Variants in LRRK2 observed in about 807,000 individuals in gnomAD.
The protein encoded by LRRK2 is leucine-rich repeat serine/threonine-protein kinase 2.
Under a neutral mutation model 302.6 loss-of-function variants are expected in LRRK2, and 203 were observed. The ratio of observed to expected loss-of-function variants is 0.67; its 90% CI spans 0.60 to 0.75. The LOEUF is 0.75. Ranked by LOEUF, LRRK2 falls within the 30% of genes least tolerant of loss-of-function variation. The pLI is 0.00. For missense variants in LRRK2, 2,830 were observed against 2,951.0 expected (o/e 0.96, Z 0.95); for synonymous variants, 1,066 against 1,031.9 (o/e 1.03, Z -0.63).
chr12:40,310,127 G>A (rs771303868), intron 30 of LRRK2, among the ~76,000 whole-genome samples: 35 of 152,170 alleles, frequency 2.3e-4, no homozygotes, highest in Non-Finnish European at 4.6e-4. Context: ...TTATTTAGGA[G>A]TGAATAACTC....
intron 42 of LRRK2, among the ~76,000 whole-genome samples, chr12:40,347,600 T>C (rs895009190): frequency 2.0e-5 from 3 of 152,224 alleles, no homozygotes; most frequent in Admixed American, 1.3e-4. Flanking sequence ...AGAAAACTTA[T>C]TATTAATTGG....
In LRRK2 at chr12:40,298,798, T is replaced by TATATATATATATATATATATAA. The variant is rs57355300; in HGVS notation, c.3347+306_3347+307insTATATATATATATATATATAAA. Among the ~76,000 whole-genome samples, 14 of 94,244 alleles carry TATATATATATATATATATATAA rather than the reference T, an allele frequency of 1.5e-4. 2 individuals carry two copies. Among genetic ancestry groups the TATATATATATATATATATATAA allele is most frequent in the African/African-American group, 5.9e-4 (14 of 23,818 alleles). 61.8% of individuals were successfully genotyped at this position (94,244 alleles called of 152,430 possible). ...AAAGAAATATATATATATATATATA[T>TATATATATATATATATATATAA]AATATATGTATTATAATATATAATA... is the stretch of plus-strand genomic sequence containing the variant. On this transcript the variant is annotated intron_variant, in intron 24 of 50. Transcript: ENST00000298910.
intron 7 of LRRK2, among the ~76,000 whole-genome samples, chr12:40,248,221 CAT>C (rs1405177982): frequency 6.6e-6 from 1 of 152,130 alleles, no homozygotes; most frequent in Non-Finnish European, 1.5e-5. Context: ...ACAACTTGCA[CAT>C]GTTACATTAA....
intron 18 of LRRK2, among the ~76,000 whole-genome samples, chr12:40,280,980 A>G (rs1202512061): frequency 6.6e-6 from 1 of 150,484 alleles, no homozygotes; most frequent in Non-Finnish European, 1.5e-5. Flanking sequence ...AGGCAGGAGA[A>G]TGGCGTGAAC....
intron 44 of LRRK2, among the ~76,000 whole-genome samples, chr12:40,353,674 T>C (rs1053985373): frequency 1.8e-4 from 28 of 152,338 alleles, no homozygotes; most frequent in African/African-American, 6.5e-4. Flanking sequence ...ATCACGCCAC[T>C]GCACTCCAGC....
intron 27 of LRRK2, among the ~76,000 whole-genome samples, chr12:40,305,390 A>G (rs540795082): frequency 6.6e-6 from 1 of 152,280 alleles, no homozygotes; most frequent in African/African-American, 2.4e-5. Context: ...ACTAAATTGC[A>G]TGCAGGTTTG....
chr12:40,318,774 C>G (rs1945305530), intron 33 of LRRK2, among the ~76,000 whole-genome samples: 1 of 151,994 alleles, frequency 6.6e-6, no homozygotes. Flanking sequence ...TTAAAAAACA[C>G]TAAAACAGCA....
chr12:40,249,802 G>A, intron 7 of LRRK2, 24 bp from the exon 8 acceptor site: 1 of 1,612,366 alleles, frequency 6.2e-7, no homozygotes. Flanking sequence ...TGAGAATTCA[G>A]CTAATGTTTC....
At chr12:40,270,116 C>G (rs12146857) in intron 14 of LRRK2, among the ~76,000 whole-genome samples, 42,614 of 151,968 alleles carry the variant, frequency 0.28, 6,343 homozygotes, top group South Asian at 0.38. Flanking sequence ...GAAAAAGTGT[C>G]AGTATAATGC....
At chr12:40,252,216 T>C (rs543971158) in intron 10 of LRRK2, among the ~76,000 whole-genome samples, 2 of 152,342 alleles carry the variant, frequency 1.3e-5, no homozygotes, top group East Asian at 3.9e-4. Flanking sequence ...GGGTTTTAAA[T>C]AGTGAATGAC....
At chr12:40,268,226 G>A (rs1210009718) in intron 14 of LRRK2, among the ~76,000 whole-genome samples, 1 of 152,174 alleles carries the variant, frequency 6.6e-6, no homozygotes, top group African/African-American at 2.4e-5. Context: ...CCGCATCTGT[G>A]TTTTATATGC....
rs151293198 is a variant in LRRK2, at chr12:40,269,660, C to T, written c.1657-4923C>T. Among the ~76,000 whole-genome samples, 7 of 152,206 alleles carry T rather than the reference C, an allele frequency of 4.6e-5. No homozygotes were observed. In the East Asian group the frequency reaches 1.4e-3, roughly 29 times the overall value. On this transcript the variant is annotated intron_variant, in intron 14 of 50. Transcript: ENST00000298910. ...ATAGAGACTAATCAGATAAATTATA[C>T]CATTTCCAAATTGTATCATCCTGCA...
At position 40,359,586 on chromosome 12, in the gene LRRK2, A is replaced by G. The variant is rs1463151287; in HGVS notation, c.7028+142A>G. 7.2e-6 allele frequency: 6 copies of G among 832,054 alleles called. No individual in the cohort carries two copies. In the East Asian group the frequency reaches 8.3e-5, roughly 12 times the overall value. 51.5% of individuals were successfully genotyped at this position (832,054 alleles called of 1,614,324 possible). A position where few individuals can be genotyped will look rare whatever the true frequency, so the allele number is the denominator to read the frequency against. The stretch of plus-strand genomic sequence containing the variant: ...TTTTCTATCATAAAATTAAACTTTC[A>G]TTATAAAAAATTTTGAAAATTCCAG... On this transcript the variant is annotated intron_variant, in intron 47 of 50. Transcript: ENST00000298910.
chr12:40,364,725 A>G (rs1323062821), intron 48 of LRRK2, 117 bp from the exon 49 acceptor site: 9 of 876,742 alleles, frequency 1.0e-5, no homozygotes, highest in Middle Eastern at 2.6e-4. Flanking sequence ...TTAATGATGC[A>G]TAATGGTGGT....
At chr12:40,243,470 C>T (rs1941829455) in intron 6 of LRRK2, 80 bp from the exon 7 acceptor site, 1 of 1,488,758 alleles carries the variant, frequency 6.7e-7, no homozygotes, top group Non-Finnish European at 9.3e-7. Flanking sequence ...TATTTACAGT[C>T]TATATAAGAC....
In LRRK2 at chr12:40,253,146, G is replaced by A. The variant is rs7969677; in HGVS notation, c.1288+130G>A. ...TATATTGTGAAAGATATCTCTATGT[G>A]TAGAGATGTATTGACATATGGATTA... On this transcript the variant is annotated intron_variant, in intron 11 of 50. Coordinates refer to ENST00000298910, the MANE Select transcript of LRRK2 (RefSeq NM_198578.4). 100,997 of 635,660 alleles carry A rather than the reference G, an allele frequency of 0.16. 8,832 individuals are homozygous for A. The highest frequency in any genetic ancestry group is 0.22 in the Middle Eastern group (577 of 2,572). The allele number at this position is 635,660 out of a possible 1,614,324, so 39.4% of individuals were successfully genotyped here. A position where few individuals can be genotyped will look rare whatever the true frequency, so the allele number is the denominator to read the frequency against.
At chr12:40,307,761 T>TTTTTC (rs1191548684) in intron 28 of LRRK2, among the ~76,000 whole-genome samples, 3 of 144,598 alleles carry the variant, frequency 2.1e-5, no homozygotes, top group African/African-American at 2.5e-5. Context: ...ATTTATAGGG[T>TTTTTC]TTTTCTTTTC....
At chr12:40,277,736 C>T in intron 16 of LRRK2, 152 bp from the exon 17 acceptor site, 1 of 670,162 alleles carries the variant, frequency 1.5e-6, no homozygotes, top group African/African-American at 1.8e-5. Context: ...TATTTATTTA[C>T]AGGATAAATA....
chr12:40,364,947 T>C lies in LRRK2; in HGVS notation c.7287T>C (p.Thr2429=), dbSNP rs779452462. Residue 2429 remains threonine (T), a synonymous_variant, in exon 49 of 51, where the codon ACT becomes ACC. Transcript: ENST00000298910. ...LQKNTALWIG[T]GGGHILLLDL... ...AGAACACTGCTCTTTGGATAGGAAC[T>C]GGAGGAGGCCATATTTTACTCCTGG... The C allele has an allele frequency of 1.9e-6, 3 of 1,612,654 alleles. No individual in the cohort carries two copies. Among genetic ancestry groups the C allele is most frequent in the South Asian group, 2.2e-5 (2 of 91,064 alleles).
Sources: allele counts gnomAD v4.1 joint callset (sites outside exome capture counted in the v4.1 genomes callset), GRCh38; gene constraint gnomAD v4.1.1; transcripts MANE v1.5; gene names NCBI Gene and HGNC (gene_info 2026-07-23, HGNC 2026-07-21).